The following CRLF3 variants were observed in gnomAD, a reference collection of about 807,000 sequenced individuals.
CRLF3 encodes the protein cytokine receptor like factor 3.
A neutral mutation model predicts 55.0 loss-of-function variants in CRLF3; 33 were observed. The ratio of observed to expected loss-of-function variants is 0.60; its 90% CI spans 0.46 to 0.80. The LOEUF (loss-of-function observed/expected upper bound fraction) is 0.80, where lower values mean the gene tolerates loss of function less well. CRLF3 is among the 30% of genes least tolerant of loss of function. CRLF3 has a pLI of 0.00. For missense variants in CRLF3, 494 were observed against 538.4 expected, an observed-to-expected ratio of 0.92 and a Z score of 0.82; for synonymous variants, 238 against 196.8, an observed-to-expected ratio of 1.21 and a Z score of -1.75.
chr17:30,823,461 G>C (rs1410586411), intron 1 of CRLF3, among the ~76,000 whole-genome samples: 2 of 151,100 alleles, frequency 1.3e-5, no homozygotes, highest in South Asian at 2.1e-4. Context: ...TTAATGATGA[G>C]AATATCCAAA....
chr17:30,817,231 A>G (rs1336164273), intron 1 of CRLF3, among the ~76,000 whole-genome samples: 1 of 152,146 alleles, frequency 6.6e-6, no homozygotes, highest in East Asian at 1.9e-4. Context: ...TGAGCTCAGG[A>G]GTTCAAGACC....
chr17:30,816,497 T>C (rs1271173484), intron 1 of CRLF3, among the ~76,000 whole-genome samples: 2 of 148,836 alleles, frequency 1.3e-5, no homozygotes, highest in Non-Finnish European at 3.0e-5. Flanking sequence ...TCTTTTTTTT[T>C]TTTTTTTTTT....
intron 1 of CRLF3, among the ~76,000 whole-genome samples, chr17:30,810,192 ATTGT>A (rs1904569256): frequency 6.6e-6 from 1 of 152,234 alleles, no homozygotes; most frequent in South Asian, 2.1e-4. Context: ...TGTAATATAC[ATTGT>A]TTATGTTGAT....
chr17:30,818,246 G>A (rs1786418419), intron 1 of CRLF3, among the ~76,000 whole-genome samples: 1 of 151,658 alleles, frequency 6.6e-6, no homozygotes, highest in South Asian at 2.1e-4. Context: ...GGCGACAAGA[G>A]CGAAACTTCA....
intron 2 of CRLF3, among the ~76,000 whole-genome samples, chr17:30,798,930 T>C (rs1971963453): frequency 6.6e-6 from 1 of 152,182 alleles, no homozygotes; most frequent in African/African-American, 2.4e-5. Flanking sequence ...ACATTAAAAA[T>C]ATTCCTAAAG....
chr17:30,789,612 G>GT (rs1349487892), intron 6 of CRLF3, among the ~76,000 whole-genome samples: 2 of 152,178 alleles, frequency 1.3e-5, no homozygotes, highest in Non-Finnish European at 2.9e-5. Flanking sequence ...TTTACTAGCT[G>GT]TGTGACACTG....
intron 1 of CRLF3, among the ~76,000 whole-genome samples, chr17:30,808,069 G>C (rs1904473793): frequency 6.6e-6 from 1 of 151,838 alleles, no homozygotes; most frequent in Non-Finnish European, 1.5e-5. Flanking sequence ...CATCTACATA[G>C]CATCTGGTAA....
chr17:30,803,494 C>T (rs193262422), intron 2 of CRLF3, among the ~76,000 whole-genome samples: 26 of 152,252 alleles, frequency 1.7e-4, no homozygotes, highest in South Asian at 1.5e-3. Flanking sequence ...TCAATCTGAA[C>T]GAACCACATT....
chr17:30,793,476 A>G lies in CRLF3; in HGVS notation c.800T>C (p.Ile267Thr). Residue 267 changes from isoleucine (I) to threonine (T), a missense_variant, in exon 5 of 8, where the codon ATA becomes ACA. Ile to Thr is a moderately conservative substitution (Grantham distance 89, BLOSUM62 -1). Coordinates refer to ENST00000324238, the MANE Select transcript of CRLF3 (RefSeq NM_015986.4). ...ATGAGGCACCAATGTGGAATGACCT[A>G]TCTGGGGGACACTCCAAGGACTCCA... ...QEWSPWSVPQ[I>T]GHSTLVPHEW... 6.2e-7 allele frequency: 1 copy of G among 1,614,100 alleles called. No homozygotes were observed. Among genetic ancestry groups the G allele is most frequent in the Non-Finnish European group, 8.5e-7 (1 of 1,179,992 alleles).
At chr17:30,795,246 C>T (rs571716902) in intron 4 of CRLF3, among the ~76,000 whole-genome samples, 3 of 152,036 alleles carry the variant, frequency 2.0e-5, no homozygotes, top group East Asian at 1.9e-4. Context: ...TTTGGGAGGC[C>T]GAGGTGGGCA....
At chr17:30,794,225 A>G (rs1971868945) in intron 4 of CRLF3, among the ~76,000 whole-genome samples, 1 of 152,162 alleles carries the variant, frequency 6.6e-6, no homozygotes, top group African/African-American at 2.4e-5. Context: ...ATGTTTTTTA[A>G]TCAATGCCAA....
At chr17:30,815,559 T>C (rs79033622) in intron 1 of CRLF3, among the ~76,000 whole-genome samples, 13 of 139,948 alleles carry the variant, frequency 9.3e-5, no homozygotes, top group African/African-American at 3.5e-4. Context: ...TTTTTTTTTT[T>C]TTGAGATGCA....
At chr17:30,820,945 C>T (rs1386141452) in intron 1 of CRLF3, among the ~76,000 whole-genome samples, 2 of 151,272 alleles carry the variant, frequency 1.3e-5, no homozygotes, top group Admixed American at 1.3e-4. Flanking sequence ...GCCCCAGCTA[C>T]TTGGGGATCT....
In CRLF3 at chr17:30,820,203, TTCCTTTTCTCTGAAAAC is replaced by T. The variant is rs11273536; in HGVS notation, c.129+4303_129+4319del. On this transcript the variant is annotated intron_variant, in intron 1 of 7. Coordinates refer to ENST00000324238, the MANE Select transcript of CRLF3 (RefSeq NM_015986.4). ...CAATCCTTGCATTCCTACACAGAAC[TTCCTTTTCTCTGAAAAC>T]AGAGGGTAGAGCCCAAACTTAACCA... 9.6e-3 allele frequency among the ~76,000 whole-genome samples: 1,458 copies of T among 152,308 alleles called. 15 individuals are homozygous for T. Among genetic ancestry groups the T allele is most frequent in the African/African-American group, 0.033 (1,387 of 41,554 alleles).
At chr17:30,794,554 T>C (rs1044208623) in intron 4 of CRLF3, among the ~76,000 whole-genome samples, 3 of 152,068 alleles carry the variant, frequency 2.0e-5, no homozygotes, top group Non-Finnish European at 4.4e-5. Flanking sequence ...TCCTAACACT[T>C]TGAGAGGCCG....
intron 1 of CRLF3, among the ~76,000 whole-genome samples, chr17:30,813,917 T>G (rs1904704600): frequency 6.6e-6 from 1 of 152,074 alleles, no homozygotes; most frequent in African/African-American, 2.4e-5. Flanking sequence ...TACGAACAAC[T>G]AAAATAGCTG....
In CRLF3 at chr17:30,784,795, G is replaced by T. The variant is rs186808588; in HGVS notation, c.1073-352C>A. 837 of 191,454 alleles carry T rather than the reference G, an allele frequency of 4.4e-3. 9 individuals carry two copies. The highest frequency in any genetic ancestry group is 0.021 in the African/African-American group (796 of 37,218). 11.9% of individuals were successfully genotyped at this position (191,454 alleles called of 1,614,324 possible). On this transcript the variant is annotated intron_variant, in intron 7 of 7. Transcript: ENST00000324238. ...TTTTTGGAGACAGAGTTTCACTCTT[G>T]TTGCCCAGGCTGGAGTGCAGTGGCA...
rs187367041 is a variant in CRLF3, at chr17:30,785,405, G to T, written c.1072+514C>A. ...CTAGCGATTTTTAAAGAGCACTAGG[G>T]ATGTAGACTGAATGATTTATTATTT... On this transcript the variant is annotated intron_variant, in intron 7 of 7. Coordinates refer to ENST00000324238, the MANE Select transcript of CRLF3 (RefSeq NM_015986.4). Among the ~76,000 whole-genome samples the T allele has an allele frequency of 8.5e-5, 13 of 152,116 alleles. No homozygotes were observed. In the East Asian group the frequency reaches 2.5e-3, roughly 30 times the overall value.
At position 30,796,193 on chromosome 17, in the gene CRLF3, C is replaced by T. The variant is rs1971914883; in HGVS notation, c.570G>A (p.Glu190=). 4 of 1,613,338 alleles carry T rather than the reference C, an allele frequency of 2.5e-6. No individual in the cohort carries two copies. The highest frequency in any genetic ancestry group is 3.4e-6 in the Non-Finnish European group (4 of 1,179,524). ...RPPVQIEELI[E]KPGGIIVRWC... is the part of the protein sequence containing the mutation. ...ATCGTACAATGATGCCTCCAGGTTT[C>T]TCTATTAGTTCTTCTATCTGTACTG... The change falls in exon 4 of 8, where the codon GAG becomes GAA. Residue 190 remains glutamate, a synonymous_variant. Transcript: ENST00000324238.
Sources: allele counts gnomAD v4.1 joint callset (sites outside exome capture counted in the v4.1 genomes callset), GRCh38; gene constraint gnomAD v4.1.1; transcripts MANE v1.5; gene names NCBI Gene and HGNC (gene_info 2026-07-23, HGNC 2026-07-21).